COX7A2L: variants seen among roughly 807,000 people sequenced by gnomAD.
COX7A2L encodes cytochrome c oxidase subunit 7A2 like.
COX7A2L carries 18 observed loss-of-function variants against 14.2 expected under a neutral mutation model. That is an observed-to-expected ratio of 1.27 (90% confidence interval 0.88 to 1.88). COX7A2L has a LOEUF of 1.88. Among genes scored for constraint, COX7A2L ranks in the 40% most tolerant of loss-of-function variants. The pLI, the probability that COX7A2L is intolerant of heterozygous loss-of-function variation, is 0.00. For synonymous variants in COX7A2L, 65 were observed against 57.4 expected, an observed-to-expected ratio of 1.13 and a Z score of -0.60; for missense variants, 179 against 138.8, an observed-to-expected ratio of 1.29 and a Z score of -1.46.
intron 1 of COX7A2L, 57 bp from the exon 2 acceptor site, chr2:42,353,400 GA>G: frequency 6.3e-7 from 1 of 1,593,646 alleles, no homozygotes; most frequent in Non-Finnish European, 8.5e-7. Context: ...AGGCTGTCTG[GA>G]ATAGTGGAGG....
chr2:42,367,377 T>C (rs558969297), intron 1 of COX7A2L, among the ~76,000 whole-genome samples: 1 of 152,268 alleles, frequency 6.6e-6, no homozygotes, highest in Admixed American at 6.5e-5. Context: ...CACTAGTGCC[T>C]AGGCAAGGCC....
chr2:42,357,899 C>G (rs1394340384), intron 1 of COX7A2L, among the ~76,000 whole-genome samples: 1 of 152,156 alleles, frequency 6.6e-6, no homozygotes, highest in Non-Finnish European at 1.5e-5. Context: ...TGATTTACCT[C>G]CATCCTCCAC....
chr2:42,355,125 G>T (rs1295393676), intron 1 of COX7A2L, among the ~76,000 whole-genome samples: 1 of 152,082 alleles, frequency 6.6e-6, no homozygotes, highest in African/African-American at 2.4e-5. Flanking sequence ...AAAAACAACA[G>T]CCCATTTAAA....
intron 1 of COX7A2L, chr2:42,359,442 A>T (rs1041177803): frequency 2.6e-5 from 4 of 152,356 alleles, no homozygotes; most frequent in Admixed American, 2.0e-4. Context: ...ATCAAACTGT[A>T]ACATTTAATA....
chr2:42,336,886 G>A (rs1340122316), intron 2 of COX7A2L, among the ~76,000 whole-genome samples: 1 of 152,146 alleles, frequency 6.6e-6, no homozygotes, highest in Non-Finnish European at 1.5e-5. Flanking sequence ...TATATATTAA[G>A]AACCTGCCTA....
chr2:42,361,998 A>C (rs960017843), upstream of COX7A2L: 3 of 152,236 alleles, frequency 2.0e-5, no homozygotes, highest in African/African-American at 7.2e-5. Flanking sequence ...TCTAAAGCTC[A>C]GGTACCAGGA....
intron 1 of COX7A2L, among the ~76,000 whole-genome samples, chr2:42,355,623 T>A (rs1572795971): frequency 7.3e-6 from 1 of 136,920 alleles, no homozygotes; most frequent in African/African-American, 2.5e-5. Flanking sequence ...ATAATCTCAT[T>A]ATCTCATCCC....
At chr2:42,357,502 G>C (rs953919467) in intron 1 of COX7A2L, among the ~76,000 whole-genome samples, 3 of 151,812 alleles carry the variant, frequency 2.0e-5, no homozygotes, top group East Asian at 3.9e-4. Context: ...TTTAGAGACG[G>C]GGTCTCACTT....
rs1159323675 is a variant in COX7A2L, at chr2:42,342,261, C to T, written c.193-8392G>A. 1.3e-5 allele frequency among the ~76,000 whole-genome samples: 2 copies of T among 152,100 alleles called. No individual in the cohort carries two copies. Among genetic ancestry groups the T allele is most frequent in the East Asian group, 1.9e-4 (1 of 5,168 alleles). On this transcript the variant is annotated intron_variant, in intron 2 of 2. Transcript: ENST00000468711. This position sits in a 1 kb window ranked among gnomAD's most constrained non-coding sequence, Gnocchi z 4.9. ...GGCCCTGGACCAGCAGAGCCTGCCT[C>T]TTCCACCCTAGCCTAGCTGCCCTTC... is the stretch of plus-strand genomic sequence containing the variant.
chr2:42,351,093 T>C lies in COX7A2L; in HGVS notation c.*126A>G. 1 of 1,056,624 alleles carries C rather than the reference T, an allele frequency of 9.5e-7. No homozygotes were observed. Among genetic ancestry groups the C allele is most frequent in the South Asian group, 2.0e-5 (1 of 50,980 alleles). 65.5% of individuals were successfully genotyped at this position (1,056,624 alleles called of 1,614,324 possible). ...TAAACAAACCAAAACATCATCTTCA[T>C]ATCTTCCTATTTTTCTTGCAAAAAT... On this transcript the variant is annotated 3_prime_UTR_variant, in exon 3 of 3. Transcript: ENST00000234301.
At chr2:42,347,312 T>TC (rs1263451653), downstream of COX7A2L, among the ~76,000 whole-genome samples, 2 of 151,158 alleles carry the variant, frequency 1.3e-5, no homozygotes, top group Admixed American at 1.3e-4. Flanking sequence ...AGCACCTTTT[T>TC]TTTTTTTTTT....
chr2:42,347,084 TTG>T (rs554364157), downstream of COX7A2L, among the ~76,000 whole-genome samples: 3 of 152,274 alleles, frequency 2.0e-5, no homozygotes, highest in African/African-American at 7.2e-5. Context: ...CAGGCTGGTC[TTG>T]AACTCCTAAG....
In COX7A2L at chr2:42,338,928, T is replaced by TA. The variant is rs1327212236; in HGVS notation, c.193-5060dup. On this transcript the variant is annotated intron_variant, in intron 2 of 2. Transcript: ENST00000468711. The surrounding 1 kb of genome is among the most constrained non-coding windows in gnomAD (Gnocchi z 4.4). ...GAGACATCCTGGCGAGCTCAGCACA[T>TA]AAGAGAACGAGAGATTAGCTGTCCC... is the stretch of plus-strand genomic sequence containing the variant. Among the ~76,000 whole-genome samples, 3 of 152,126 alleles carry TA rather than the reference T, an allele frequency of 2.0e-5. No homozygotes were observed. Among genetic ancestry groups the TA allele is most frequent in the Non-Finnish European group, 4.4e-5 (3 of 68,022 alleles).
chr2:42,355,243 C>G (rs988690259), intron 1 of COX7A2L, among the ~76,000 whole-genome samples: 1 of 152,164 alleles, frequency 6.6e-6, no homozygotes, highest in Non-Finnish European at 1.5e-5. Flanking sequence ...CTATCAAGAT[C>G]AAAAGGCTAA....
chr2:42,349,177 C>T (rs1005794976), downstream of COX7A2L, among the ~76,000 whole-genome samples: 1 of 152,172 alleles, frequency 6.6e-6, no homozygotes, highest in African/African-American at 2.4e-5. Flanking sequence ...CTCATAGCAG[C>T]ATTATTCGTA....
intron 1 of COX7A2L, among the ~76,000 whole-genome samples, chr2:42,357,431 C>T (rs1027800782): frequency 1.3e-5 from 2 of 152,162 alleles, no homozygotes; most frequent in African/African-American, 4.8e-5. Context: ...GCGTCAGCCT[C>T]CTGAGTAGCT....
chr2:42,348,760 TACAA>T (rs1433335049), downstream of COX7A2L, among the ~76,000 whole-genome samples: 4 of 151,994 alleles, frequency 2.6e-5, no homozygotes, highest in Non-Finnish European at 4.4e-5. Flanking sequence ...CTACTAAAAT[TACAA>T]ACAATTAGCT....
At chr2:42,352,634 G>A (rs1423722765) in intron 2 of COX7A2L, among the ~76,000 whole-genome samples, 1 of 152,170 alleles carries the variant, frequency 6.6e-6, no homozygotes, top group Non-Finnish European at 1.5e-5. Context: ...TACAGCAATA[G>A]CAGTAGCAAG....
At chr2:42,363,921 T>A (rs1382567946), upstream of COX7A2L, among the ~76,000 whole-genome samples, 1 of 152,172 alleles carries the variant, frequency 6.6e-6, no homozygotes, top group Non-Finnish European at 1.5e-5. Context: ...GGGTGTGTGC[T>A]AATGGCCTCT....
Sources: allele counts gnomAD v4.1 joint callset (sites outside exome capture counted in the v4.1 genomes callset), GRCh38; gene constraint gnomAD v4.1.1; non-coding constraint Gnocchi (gnomAD v3.1); transcripts MANE v1.5; gene names NCBI Gene and HGNC (gene_info 2026-07-23, HGNC 2026-07-21).